Variants in WDR72 observed in about 807,000 individuals in gnomAD.
The protein encoded by WDR72 is WD repeat domain 72, also known as WD repeat-containing protein 72.
Under a neutral mutation model 124.2 loss-of-function variants are expected in WDR72, and 120 were observed. The ratio of observed to expected loss-of-function variants is 0.97; its 90% confidence interval spans 0.83 to 1.12. The LOEUF is 1.12. Among genes scored for constraint, WDR72 ranks in the 50% most tolerant of loss-of-function variants. The pLI is 0.00. For missense variants in WDR72, 1,387 were observed against 1,278.8 expected (o/e 1.08, Z -1.29); for synonymous variants, 452 against 441.7 (o/e 1.02, Z -0.29).
chr15:53,682,721 T>C (rs2016439251), intron 13 of WDR72, among the ~76,000 whole-genome samples: 1 of 152,160 alleles, frequency 6.6e-6, no homozygotes, highest in African/African-American at 2.4e-5. Context: ...TTTATTCCAG[T>C]TCCCAACATA....
intron 3 of WDR72, among the ~76,000 whole-genome samples, chr15:53,716,903 T>C (rs145046406): frequency 9.3e-4 from 142 of 152,310 alleles, no homozygotes; most frequent in Non-Finnish European, 1.4e-3. Context: ...CCTGCAAACC[T>C]TACTTTAGAG....
At chr15:53,680,042 A>G (rs73410173) in intron 13 of WDR72, among the ~76,000 whole-genome samples, 7,366 of 152,158 alleles carry the variant, frequency 0.048, 624 homozygotes, top group African/African-American at 0.17. Context: ...AAACTATTAA[A>G]AACTTTTATT....
At chr15:53,668,992 GAGGAGA>G (rs1309994680) in intron 13 of WDR72, among the ~76,000 whole-genome samples, 3 of 24,854 alleles carry the variant, frequency 1.2e-4, no homozygotes, top group African/African-American at 2.4e-4. Flanking sequence ...GGAGAAGGAG[GAGGAGA>G]AGGAGAAGGA....
intron 2 of WDR72, among the ~76,000 whole-genome samples, chr15:53,729,368 C>T (rs1221115371): frequency 6.6e-6 from 1 of 152,000 alleles, no homozygotes; most frequent in East Asian, 1.9e-4. Context: ...AGCAAGTGAT[C>T]TTCTAAAACC....
At chr15:53,734,151 T>TACACAC (rs71132754) in intron 1 of WDR72, among the ~76,000 whole-genome samples, 2 of 151,570 alleles carry the variant, frequency 1.3e-5, no homozygotes, top group African/African-American at 4.9e-5. Flanking sequence ...ATTATATGTC[T>TACACAC]ACACACACAC....
intron 18 of WDR72, among the ~76,000 whole-genome samples, chr15:53,544,766 T>C (rs1349387190): frequency 2.0e-5 from 3 of 150,166 alleles, no homozygotes; most frequent in East Asian, 1.9e-4. Flanking sequence ...GAAAACCCCA[T>C]TGCCTCAGCC....
chr15:53,743,967 T>A (rs1045125808), intron 1 of WDR72, among the ~76,000 whole-genome samples: 1 of 127,380 alleles, frequency 7.9e-6, no homozygotes, highest in Non-Finnish European at 1.7e-5. Flanking sequence ...AGAGCGAGAC[T>A]CGTCTCAAAA....
Position 53,615,794 on chromosome 15 carries a change from T to C in WDR72, c.2412A>G (p.Pro804=), listed in dbSNP as rs116496912. The change falls in exon 15 of 20, where the codon CCA becomes CCG. Residue 804 remains proline (P), a synonymous_variant. Coordinates refer to ENST00000360509, the MANE Select transcript of WDR72 (RefSeq NM_182758.4). ...TAKLFLSCLL[P]WGVDKDLDYL... ...AATCTAAATCTTTATCCACTCCCCA[T>C]GGCAAAAGGCAAGACAGAAACAATT... The C allele has an allele frequency of 3.9e-4, 626 of 1,613,638 alleles. 3 individuals carry two copies. The African/African-American group carries it at 7.8e-3, about 20-fold the overall frequency.
chr15:53,745,922 T>C (rs1567061473), intron 1 of WDR72, among the ~76,000 whole-genome samples: 1 of 152,094 alleles, frequency 6.6e-6, no homozygotes, highest in Non-Finnish European at 1.5e-5. Context: ...TTACACACAA[T>C]TGCAAAGATG....
At chr15:53,543,732 T>C (rs1893287154) in intron 18 of WDR72, among the ~76,000 whole-genome samples, 1 of 151,700 alleles carries the variant, frequency 6.6e-6, no homozygotes, top group South Asian at 2.1e-4. Flanking sequence ...ATCAACAAAA[T>C]TGATAGACCG....
chr15:53,524,781 G>C (rs1430794101), intron 18 of WDR72, among the ~76,000 whole-genome samples: 1 of 152,018 alleles, frequency 6.6e-6, no homozygotes, highest in Non-Finnish European at 1.5e-5. Flanking sequence ...GCATGAAATT[G>C]CTATTTTCAA....
intron 14 of WDR72, among the ~76,000 whole-genome samples, chr15:53,628,184 C>G (rs1341339557): frequency 1.3e-5 from 2 of 152,138 alleles, no homozygotes; most frequent in Non-Finnish European, 2.9e-5. Context: ...CTGAAAGACC[C>G]TATGGAATCT....
chr15:53,666,395 T>C (rs1161910526), intron 13 of WDR72, among the ~76,000 whole-genome samples: 1 of 152,140 alleles, frequency 6.6e-6, no homozygotes, highest in Admixed American at 6.6e-5. Flanking sequence ...AGGAGTGCTG[T>C]CAAGTTCAAC....
chr15:53,558,720 T>C (rs776733240), intron 18 of WDR72, among the ~76,000 whole-genome samples: 5 of 152,042 alleles, frequency 3.3e-5, no homozygotes, highest in Non-Finnish European at 5.9e-5. Flanking sequence ...CAAAACCTTA[T>C]GTAGATGATT....
At chr15:53,704,914 C>G in intron 11 of WDR72, 74 bp downstream of exon 11, 1 of 1,552,238 alleles carries the variant, frequency 6.4e-7, no homozygotes, top group South Asian at 1.2e-5. Context: ...GCCTCTAAAT[C>G]TTGTTTAGTG....
upstream of WDR72, among the ~76,000 whole-genome samples, chr15:53,760,664 A>G (rs1177525933): frequency 6.6e-6 from 1 of 152,150 alleles, no homozygotes; most frequent in East Asian, 1.9e-4. Context: ...TATTTCTTTG[A>G]TATACTGATT....
chr15:53,755,480 T>C (rs891949490), intron 1 of WDR72, among the ~76,000 whole-genome samples: 1 of 152,258 alleles, frequency 6.6e-6, no homozygotes, highest in Non-Finnish European at 1.5e-5. Flanking sequence ...AGCGGGCATA[T>C]AGAATTAGCA....
intron 2 of WDR72, among the ~76,000 whole-genome samples, chr15:53,731,368 T>C (rs574087108): frequency 2.0e-5 from 3 of 152,088 alleles, no homozygotes; most frequent in East Asian, 3.9e-4. Flanking sequence ...ATCTAATTCC[T>C]ATTCCCAGCC....
At chr15:53,622,601 A>AC (rs968863458) in intron 14 of WDR72, among the ~76,000 whole-genome samples, 7 of 152,034 alleles carry the variant, frequency 4.6e-5, no homozygotes. Context: ...AGGAGGGGAA[A>AC]ACACACACAG....
Sources: gnomAD v4.1 joint callset for allele counts (sites outside exome capture counted in the v4.1 genomes callset) on GRCh38, gnomAD v4.1.1 for gene constraint, MANE v1.5 for transcripts, NCBI Gene and HGNC (gene_info 2026-07-23, HGNC 2026-07-21) for gene names.